ELN: variants seen among roughly 807,000 people sequenced by gnomAD.
The protein encoded by ELN is tropoelastin.
In ELN, 65 loss-of-function variants were observed where a neutral mutation model predicts 105.8. The ratio of observed to expected loss-of-function variants is 0.61; its 90% CI spans 0.50 to 0.75. ELN has a LOEUF of 0.75. Among genes scored for constraint, ELN ranks in the 30% least tolerant of loss-of-function variants. The pLI is 0.00. For synonymous variants in ELN, 368 were observed against 389.2 expected (o/e 0.95, Z 0.64); for missense variants, 882 against 969.4 (o/e 0.91, Z 1.20).
chr7:74,069,142 A>C lies in ELN; in HGVS notation c.*442A>C. ...CAGCTCCCCCTGCCCACCAGGACCC[A>C]CCGTTGGCTGCCATCCAGTTGGTAC... On this transcript the variant is annotated 3_prime_UTR_variant, in exon 33 of 33. Coordinates refer to ENST00000252034, the MANE Select transcript of ELN (RefSeq NM_000501.4). The C allele has an allele frequency of 3.5e-6, 1 of 287,806 alleles. No homozygotes were observed. Among genetic ancestry groups the C allele is most frequent in the East Asian group, 5.2e-5 (1 of 19,344 alleles). 17.8% of individuals were successfully genotyped at this position (287,806 alleles called of 1,614,324 possible).
Position 74,037,759 on chromosome 7 carries a change from A to G in ELN, c.196+20A>G. The G allele has an allele frequency of 6.2e-7, 1 of 1,610,264 alleles. No individual in the cohort carries two copies. Among genetic ancestry groups the G allele is most frequent in the Non-Finnish European group, 8.5e-7 (1 of 1,178,388 alleles). The stretch of plus-strand genomic sequence containing the variant: ...AGCCAGGTAAGACCCAAGGCCTCGG[A>G]GCATTGAGAGACAGCGAGGGAGCTG... On this transcript the variant is annotated intron_variant, in intron 4 of 32. Transcript: ENST00000252034.
intron 1 of ELN, among the ~76,000 whole-genome samples, chr7:74,029,507 T>C (rs1361384144): frequency 6.6e-6 from 1 of 152,008 alleles, no homozygotes; most frequent in Non-Finnish European, 1.5e-5. Context: ...GGAGTCCTCC[T>C]TGCCATGAGA....
At chr7:74,039,449 G>A (rs1234427083) in intron 4 of ELN, among the ~76,000 whole-genome samples, 1 of 152,242 alleles carries the variant, frequency 6.6e-6, no homozygotes, top group African/African-American at 2.4e-5. Context: ...CTGCCAGGAC[G>A]TCTGGGCCTG....
chr7:74,032,451 G>A (rs1363318604), intron 1 of ELN, among the ~76,000 whole-genome samples: 1 of 152,146 alleles, frequency 6.6e-6, no homozygotes, highest in Non-Finnish European at 1.5e-5. Context: ...GGAAGCAGCT[G>A]TTACCTTTTC....
At chr7:74,066,324 T>C (rs1351179246) in intron 31 of ELN, among the ~76,000 whole-genome samples, 3 of 152,124 alleles carry the variant, frequency 2.0e-5, no homozygotes, top group East Asian at 1.9e-4. Flanking sequence ...CCCAGCACTT[T>C]GGGAGGCCTA....
chr7:74,065,883 G>T (rs1353369097), intron 30 of ELN, 61 bp from the exon 31 acceptor site: 7 of 1,613,494 alleles, frequency 4.3e-6, no homozygotes, highest in East Asian at 4.5e-5. Flanking sequence ...AACCCAGCAG[G>T]GATATCAGGG....
rs1554666534 is a variant in ELN, at chr7:74,037,736, C to T, written c.193C>T (p.Pro65Ser). Residue 65 changes from proline (P) to serine (S), a missense_variant, in exon 4 of 33, where the codon CCA becomes TCA. Coordinates refer to ENST00000252034, the MANE Select transcript of ELN (RefSeq NM_000501.4). ...GGGGCCTGGAGGCAAACCTCTTAAG[C>T]CAGGTAAGACCCAAGGCCTCGGAGC... is the stretch of plus-strand genomic sequence containing the variant. ...ALGPGGKPLK[P>S]VPGGLAGAGL... 2 of 1,611,810 alleles carry T rather than the reference C, an allele frequency of 1.2e-6. No individual in the cohort carries two copies. The highest frequency in any genetic ancestry group is 2.7e-5 in the African/African-American group (2 of 74,882).
rs782040751 is a variant in ELN, at chr7:74,053,139, G to A, written c.950-24G>A. The A allele has an allele frequency of 1.4e-5, 22 of 1,614,134 alleles. 1 individual carries two copies. In the South Asian group the frequency reaches 2.4e-4, roughly 18 times the overall value. On this transcript the variant is annotated intron_variant, in intron 17 of 32. Transcript: ENST00000252034. ...CCCTCTGAGGTTCCCATAGGTTAGG[G>A]GAACAATGCTTTTTCTTCCACAGGA...
At chr7:74,052,134 A>C in intron 17 of ELN, 151 bp downstream of exon 17, 1 of 825,888 alleles carries the variant, frequency 1.2e-6, no homozygotes, top group Non-Finnish European at 1.9e-6. Flanking sequence ...TGATCACTCT[A>C]CCTGAGATGC....
At chr7:74,031,860 A>AGAAG (rs60029188) in intron 1 of ELN, among the ~76,000 whole-genome samples, 27,469 of 106,996 alleles carry the variant, frequency 0.26, 3,904 homozygotes, top group Middle Eastern at 0.29. Context: ...AAGGAAGGAA[A>AGAAG]GAAGGAAGGA....
In ELN at chr7:74,046,801, C is replaced by A. The variant is rs199917779; in HGVS notation, c.643+34C>A. The A allele has an allele frequency of 4.3e-6, 7 of 1,611,814 alleles. No individual in the cohort carries two copies. In the African/African-American group the frequency reaches 9.3e-5, roughly 22 times the overall value. ...GAGGGACGGTTCAAGATGCACCACT[C>A]GGCCGGGTGTGGTGGTTCACACCTG... On this transcript the variant is annotated intron_variant, in intron 12 of 32. Coordinates refer to ENST00000252034, the MANE Select transcript of ELN (RefSeq NM_000501.4).
rs1554679779 is a variant in ELN at position 74,056,385 on chromosome 7, G to A, written c.1265G>A (p.Gly422Asp). Residue 422 changes from glycine (G) to aspartate (D), a missense_variant, in exon 20 of 33, where the codon GGT becomes GAT. Coordinates refer to ENST00000252034, the MANE Select transcript of ELN (RefSeq NM_000501.4). ...ATCCCTGGAGTCGCAGGTGTCCCTG[G>A]TGTCGGAGGTGTTCCCGGAGTCGGA... ...GGIPGVAGVP[G>D]VGGVPGVGGV... 1.9e-6 allele frequency: 3 copies of A among 1,613,656 alleles called. No individual in the cohort carries two copies. The highest frequency in any genetic ancestry group is 2.5e-6 in the Non-Finnish European group (3 of 1,179,734).
Position 74,069,848 on chromosome 7 carries a change from TAAGAA to T in ELN, c.*1153_*1157del, listed in dbSNP as rs1390314325. 1 of 199,456 alleles carries T rather than the reference TAAGAA, an allele frequency of 5.0e-6. No homozygotes were observed. The highest frequency in any genetic ancestry group is 2.3e-5 in the African/African-American group (1 of 43,344). The allele number at this position is 199,456 out of a possible 1,614,324, so 12.4% of individuals were successfully genotyped here. A position where few individuals can be genotyped will look rare whatever the true frequency, so the allele number is the denominator to read the frequency against. ...GGATGAAACACACCTTTTTTTTTAA[TAAGAA>T]AAGAGAATTAACTGCTTCAGAAATG... is the stretch of plus-strand genomic sequence containing the variant. On this transcript the variant is annotated 3_prime_UTR_variant, in exon 33 of 33. Transcript: ENST00000252034.
chr7:74,068,796 G>A lies in ELN; in HGVS notation c.*96G>A, dbSNP rs912497477. The A allele has an allele frequency of 4.6e-5, 68 of 1,468,496 alleles. No individual in the cohort carries two copies. Among genetic ancestry groups the A allele is most frequent in the Admixed American group, 1.0e-4 (6 of 59,110 alleles). 91.0% of individuals were successfully genotyped at this position (1,468,496 alleles called of 1,614,324 possible). On this transcript the variant is annotated 3_prime_UTR_variant, in exon 33 of 33. Coordinates refer to ENST00000252034, the MANE Select transcript of ELN (RefSeq NM_000501.4). ...TTGTAACCCCATCCCATGCCCCTCC[G>A]ACTCCCCACCCCAGGAGGGAACGGG...
rs201894730 is a variant in ELN at position 74,059,960 on chromosome 7, T to G, written c.1489T>G (p.Leu497Val). ...PGVGVAPGVG[L>V]APGVGVAPGV... is the part of the protein sequence containing the mutation. ...TGTCGGTGTGGCTCCTGGAGTTGGC[T>G]TGGCTCCTGGAGTTGGCGTGGCTCC... Residue 497 changes from leucine (L) to valine (V), a missense_variant, in exon 23 of 33, where the codon TTG (leucine) becomes GTG (valine). Transcript: ENST00000252034. 3 of 1,609,780 alleles carry G rather than the reference T, an allele frequency of 1.9e-6. No homozygotes were observed. Among genetic ancestry groups the G allele is most frequent in the African/African-American group, 2.7e-5 (2 of 74,342 alleles).
chr7:74,035,603 C>G (rs1427277509), intron 2 of ELN, 189 bp downstream of exon 2: 5 of 732,448 alleles, frequency 6.8e-6, no homozygotes, highest in African/African-American at 5.2e-5. Flanking sequence ...GACATGGTGG[C>G]TTATGCCTGT....
rs782671526 is a variant in ELN, at chr7:74,057,703, C to G, written c.1414+7C>G. 2.5e-6 allele frequency: 4 copies of G among 1,612,490 alleles called. No individual in the cohort carries two copies. Among genetic ancestry groups the G allele is most frequent in the African/African-American group, 1.3e-5 (1 of 74,760 alleles). On this transcript the variant is annotated splice_region_variant and intron_variant, in intron 22 of 32. Transcript: ENST00000252034. ...GCCAAAGCCGCCCAGTTTGGTAAGT[C>G]CCCCTCACCCCCGCCACTGGCTCAC... is the stretch of plus-strand genomic sequence containing the variant.
chr7:74,051,970 G>C lies in ELN; in HGVS notation c.936G>C (p.Lys312Asn). Reference sequence around the variant, plus strand: ...CTGCAGCTGCAGCAGCAGCCGCTAAGGCAGCCAAGTATGGTGAGTGCCTCC... The same window carrying C: ...CTGCAGCTGCAGCAGCAGCCGCTAACGCAGCCAAGTATGGTGAGTGCCTCC... ...AAAAAAAAAA[K>N]AAKYGAAAGL... The change falls in exon 17 of 33, where the codon AAG becomes AAC. Residue 312 changes from lysine (K) to asparagine (N), a missense_variant. Physicochemically the swap from Lys to Asn is moderately conservative, Grantham distance 94 (BLOSUM62 0). Coordinates refer to ENST00000252034, the MANE Select transcript of ELN (RefSeq NM_000501.4). The C allele has an allele frequency of 6.2e-7, 1 of 1,613,582 alleles. No individual in the cohort carries two copies. Among genetic ancestry groups the C allele is most frequent in the South Asian group, 1.1e-5 (1 of 91,060 alleles).
At chr7:74,033,673 C>T (rs1651459306) in intron 1 of ELN, among the ~76,000 whole-genome samples, 2 of 152,252 alleles carry the variant, frequency 1.3e-5, no homozygotes, top group South Asian at 4.1e-4. Flanking sequence ...TGGGCTGCAG[C>T]TGAGGCTGAC....
Sources: allele counts gnomAD v4.1 joint callset (sites outside exome capture counted in the v4.1 genomes callset), GRCh38; gene constraint gnomAD v4.1.1; transcripts MANE v1.5; gene names NCBI Gene and HGNC (gene_info 2026-07-23, HGNC 2026-07-21).